The following UBA7 variants were observed in gnomAD, a reference collection of about 807,000 sequenced individuals.
UBA7 encodes the protein ubiquitin like modifier activating enzyme 7.
Under a neutral mutation model 113.0 loss-of-function variants are expected in UBA7, and 88 were observed. The observed-to-expected ratio is 0.78, with a 90% CI of 0.66 to 0.93. The LOEUF (loss-of-function observed/expected upper bound fraction) is 0.93. Ranked by LOEUF, UBA7 falls within the 40% of genes least tolerant of loss-of-function variation. The pLI is 0.00. For missense variants in UBA7, 1,092 were observed against 1,266.4 expected, an observed-to-expected ratio of 0.86 and a Z score of 2.09; for synonymous variants, 459 against 513.0, an observed-to-expected ratio of 0.89 and a Z score of 1.42.
chr3:49,811,190 G>A, intron 9 of UBA7, 83 bp downstream of exon 9: 3 of 1,600,008 alleles, frequency 1.9e-6, no homozygotes, highest in Non-Finnish European at 2.6e-6. Flanking sequence ...CTCCAGGGCT[G>A]CTCTCTAGCG....
In UBA7 at chr3:49,813,178, C is replaced by T. The variant is rs1054702923; in HGVS notation, c.361-10G>A. ...CAGTCAGCACCACCACCTGGGTGGA[C>T]ACAGTGATCAGCAGGGCCAAAACCA... On this transcript the variant is annotated splice_polypyrimidine_tract_variant and intron_variant, in intron 3 of 23. Coordinates refer to ENST00000333486, the MANE Select transcript of UBA7 (RefSeq NM_003335.3). 6.2e-7 allele frequency: 1 copy of T among 1,613,858 alleles called. No individual in the cohort carries two copies. Among genetic ancestry groups the T allele is most frequent in the Non-Finnish European group, 8.5e-7 (1 of 1,179,818 alleles).
intron 21 of UBA7, among the ~76,000 whole-genome samples, chr3:49,806,792 G>A (rs2081460431): frequency 6.6e-6 from 1 of 151,986 alleles, no homozygotes; most frequent in South Asian, 2.1e-4. Flanking sequence ...AAAACACACT[G>A]GGGTCAAGCT....
At position 49,807,412 on chromosome 3, in the gene UBA7, C is replaced by T. The variant is rs2081471463; in HGVS notation, c.2715+324G>A. Among the ~76,000 whole-genome samples, 1 of 152,162 alleles carries T rather than the reference C, an allele frequency of 6.6e-6. No homozygotes were observed. The highest frequency in any genetic ancestry group is 6.5e-5 in the Admixed American group (1 of 15,282). On this transcript the variant is annotated intron_variant, in intron 21 of 23. Coordinates refer to ENST00000333486, the MANE Select transcript of UBA7 (RefSeq NM_003335.3). The surrounding 1 kb of genome is among the most constrained non-coding windows in gnomAD (Gnocchi z 4.0). ...CTCTTTCTGGGGCTGATGCCCTGGT[C>T]CCCTCCCCACTACCTACCCCTCAGG...
Position 49,805,255 on chromosome 3 carries a change from C to A in UBA7, c.*53G>T. On this transcript the variant is annotated 3_prime_UTR_variant, in exon 24 of 24. Coordinates refer to ENST00000333486, the MANE Select transcript of UBA7 (RefSeq NM_003335.3). ...GAGTGCCTACTGTGGGCTTACAATG[C>A]AGGGCTTGGGATCCGGGGCTCCATT... 1.3e-6 allele frequency: 2 copies of A among 1,565,564 alleles called. No individual in the cohort carries two copies. The highest frequency in any genetic ancestry group is 4.5e-5 in the East Asian group (2 of 44,278).
chr3:49,813,643 C>A lies in UBA7; in HGVS notation c.61G>T (p.Val21Leu), dbSNP rs1361711207. 5 of 1,614,142 alleles carry A rather than the reference C, an allele frequency of 3.1e-6. No individual in the cohort carries two copies. The highest frequency in any genetic ancestry group is 3.4e-6 in the Non-Finnish European group (4 of 1,180,050). Residue 21 changes from valine (V) to leucine (L), a missense_variant, in exon 2 of 24, where the codon GTG becomes TTG. Physicochemically the swap from Val to Leu is conservative, Grantham distance 32 (BLOSUM62 1). Transcript: ENST00000333486. ...CTCTGCATGGCAGGTGAGCCCAGCA[C>A]ATACCTGTGGATGGGAAGCAGAAGG... ...DEELYSRQLY[V>L]LGSPAMQRIQ... is the part of the protein sequence containing the mutation.
In UBA7 at chr3:49,807,414, C is replaced by T. The variant is rs1348615006; in HGVS notation, c.2715+322G>A. On this transcript the variant is annotated intron_variant, in intron 21 of 23. Coordinates refer to ENST00000333486, the MANE Select transcript of UBA7 (RefSeq NM_003335.3). This position sits in a 1 kb window ranked among gnomAD's most constrained non-coding sequence, Gnocchi z 4.0. The stretch of plus-strand genomic sequence containing the variant: ...CTTTCTGGGGCTGATGCCCTGGTCC[C>T]CTCCCCACTACCTACCCCTCAGGGG... 6.6e-6 allele frequency among the ~76,000 whole-genome samples: 1 copy of T among 152,186 alleles called. No homozygotes were observed. Among genetic ancestry groups the T allele is most frequent in the Non-Finnish European group, 1.5e-5 (1 of 68,004 alleles).
In UBA7 at chr3:49,805,994, G is replaced by C; in HGVS notation, c.2812C>G (p.Gln938Glu). The C allele has an allele frequency of 1.9e-6, 3 of 1,566,390 alleles. No individual in the cohort carries two copies. Among genetic ancestry groups the C allele is most frequent in the Non-Finnish European group, 2.6e-6 (3 of 1,155,430 alleles). ...LESLLAHLQE[Q>E]HGLRVRILLH... The stretch of plus-strand genomic sequence containing the variant: ...AGGATCCTCACCCTCAACCCGTGCT[G>C]CTCCTAGAGGAGAAAGGTCAGACAC... Residue 938 changes from glutamine to glutamate, a missense_variant, in exon 23 of 24, where the codon CAG becomes GAG. Around this residue, in one of 3 missense-constraint regions of UBA7, gnomAD observed 500 missense variants for 529.3 expected, o/e 0.94. Transcript: ENST00000333486.
rs774738018 is a variant in UBA7 at position 49,809,974 on chromosome 3, C to T, written c.1839+4G>A. On this transcript the variant is annotated splice_donor_region_variant and intron_variant, in intron 14 of 23. Coordinates refer to ENST00000333486, the MANE Select transcript of UBA7 (RefSeq NM_003335.3). ...GGGGTGGGAGTCTCCAGGGTGCTTC[C>T]TACCTGCAGGGTGTGCTCGGCTGTG... 4.3e-6 allele frequency: 7 copies of T among 1,613,828 alleles called. No individual in the cohort carries two copies. Among genetic ancestry groups the T allele is most frequent in the Admixed American group, 3.3e-5 (2 of 60,002 alleles).
rs532421188 is a variant in UBA7 at position 49,809,777 on chromosome 3, A to T, written c.1904+38T>A. 14 of 1,614,036 alleles carry T rather than the reference A, an allele frequency of 8.7e-6. No individual in the cohort carries two copies. The South Asian group carries it at 1.3e-4, about 15-fold the overall frequency. On this transcript the variant is annotated intron_variant, in intron 15 of 23. Coordinates refer to ENST00000333486, the MANE Select transcript of UBA7 (RefSeq NM_003335.3). The stretch of plus-strand genomic sequence containing the variant: ...CTGAGTCCTGCAGACTCATGCTTGG[A>T]GCCCTGGACTCCCATCTGCCTCTGT...
rs1409498422 is a variant in UBA7 at position 49,810,137 on chromosome 3, C to G, written c.1680G>C (p.Leu560=). The G allele has an allele frequency of 7.4e-6, 12 of 1,612,948 alleles. No individual in the cohort carries two copies. In the South Asian group the frequency reaches 1.3e-4, roughly 18 times the overall value. ...CCCAGGTGCCCGATGTGCCTGCCTC[C>G]AGCAGTGGCTTCAGATAGTGGGTGC... The part of the protein sequence containing the change: ...ARCTHYLKPL[L]EAGTSGTWGS... Residue 560 remains leucine (L), a synonymous_variant, in exon 14 of 24, where the codon CTG becomes CTC. Coordinates refer to ENST00000333486, the MANE Select transcript of UBA7 (RefSeq NM_003335.3). This position sits in a 1 kb window ranked among gnomAD's most constrained non-coding sequence, Gnocchi z 5.6.
chr3:49,805,542 G>T, intron 23 of UBA7, 105 bp from the exon 24 acceptor site: 2 of 1,069,788 alleles, frequency 1.9e-6, no homozygotes, highest in Non-Finnish European at 2.8e-6. Flanking sequence ...AGGAGCCCAA[G>T]CCAGGAGCAG....
Position 49,812,680 on chromosome 3 carries a change from G to A in UBA7, c.526C>T (p.Pro176Ser), listed in dbSNP as rs762319206. Residue 176 changes from proline (P) to serine (S), a missense_variant, in exon 5 of 24, where the codon CCC becomes TCC. Pro to Ser is a moderately conservative substitution (Grantham distance 74, BLOSUM62 -1). Transcript: ENST00000333486. ...ATGTGCTGGATGGCAGCTGTCAGGG[G>A]TTCTGCCTCTGTGGGGTCCTGCACA... ...FTVQDPTEAE[P>S]LTAAIQHISQ... 3 of 1,614,196 alleles carry A rather than the reference G, an allele frequency of 1.9e-6. No individual in the cohort carries two copies. The highest frequency in any genetic ancestry group is 2.5e-6 in the Non-Finnish European group (3 of 1,180,028).
rs199939644 is a variant in UBA7, at chr3:49,807,824, C to T, written c.2627G>A (p.Arg876Gln). 23 of 1,614,022 alleles carry T rather than the reference C, an allele frequency of 1.4e-5. No homozygotes were observed. The East Asian group carries it at 2.9e-4, about 20-fold the overall frequency. Residue 876 changes from arginine (R) to glutamine (Q), a missense_variant, in exon 21 of 24, where the codon CGG becomes CAG. Arg to Gln is a conservative substitution (Grantham distance 43). Transcript: ENST00000333486. The surrounding 1 kb of genome is among the most constrained non-coding windows in gnomAD (Gnocchi z 4.0). ...LELYKVVSGP[R>Q]PRSAFRHSYL... ...GCTGTGGCGAAAGGCACTACGAGGC[C>T]GTGGCCCACTCACCACCTTATACAG...
In UBA7 at chr3:49,813,611, C is replaced by T; in HGVS notation, c.93G>A (p.Gln31=). ...VLGSPAMQRI[Q]GARVLVSGLQ... Reference sequence around the variant, plus strand: ...GGCCTGACACCAGGACCCTGGCTCCCTGAATCCTCTGCATGGCAGGTGAGC... The same window carrying T: ...GGCCTGACACCAGGACCCTGGCTCCTTGAATCCTCTGCATGGCAGGTGAGC... Residue 31 remains glutamine, a synonymous_variant, in exon 2 of 24, where the codon CAG becomes CAA. Coordinates refer to ENST00000333486, the MANE Select transcript of UBA7 (RefSeq NM_003335.3). 6.2e-7 allele frequency: 1 copy of T among 1,614,226 alleles called. No homozygotes were observed. Among genetic ancestry groups the T allele is most frequent in the African/African-American group, 1.3e-5 (1 of 75,072 alleles).
chr3:49,808,373 C>T lies in UBA7; in HGVS notation c.2430+13G>A. The T allele has an allele frequency of 1.2e-6, 2 of 1,614,214 alleles. No homozygotes were observed. The highest frequency in any genetic ancestry group is 1.7e-6 in the Non-Finnish European group (2 of 1,180,028). The stretch of plus-strand genomic sequence containing the variant: ...TCCCCAGCCCCACTCCTCACTGCCA[C>T]TTGGGCACCCACCTTCTCAAACATC... On this transcript the variant is annotated intron_variant, in intron 19 of 23. Transcript: ENST00000333486.
chr3:49,810,324 A>G lies in UBA7; in HGVS notation c.1572T>C (p.Tyr524=). 6.2e-7 allele frequency: 1 copy of G among 1,614,166 alleles called. No individual in the cohort carries two copies. ...CCACACGGGAGAAAAAGTTATCCCC[A>G]TAGATGTGCTCTGTGGTGGGATCCA... ...YPLDPTTEHI[Y]GDNFFSRVDG... is the part of the protein sequence containing the mutation. The change falls in exon 13 of 24, where the codon TAT becomes TAC. Residue 524 remains tyrosine (Y), a synonymous_variant. Transcript: ENST00000333486. The surrounding 1 kb of genome is among the most constrained non-coding windows in gnomAD (Gnocchi z 5.6).
Position 49,810,653 on chromosome 3 carries a change from C to G in UBA7, c.1331G>C (p.Gly444Ala). 1.2e-6 allele frequency: 2 copies of G among 1,614,144 alleles called. No homozygotes were observed. Among genetic ancestry groups the G allele is most frequent in the Admixed American group, 3.3e-5 (2 of 60,024 alleles). ...HYLLVGAGAI[G>A]CELLKVFALV... ...GGCAAAGACTTTGAGCAGCTCACAA[C>G]CAATGGCACCAGCGCCCACCTGTTG... Residue 444 changes from glycine (G) to alanine (A), a missense_variant, in exon 12 of 24, where the codon GGT becomes GCT. Transcript: ENST00000333486. This position sits in a 1 kb window ranked among gnomAD's most constrained non-coding sequence, Gnocchi z 5.6.
intron 2 of UBA7, 38 bp from the exon 3 acceptor site, chr3:49,813,421 C>G (rs1236327404): frequency 6.2e-7 from 1 of 1,609,354 alleles, no homozygotes; most frequent in Non-Finnish European, 8.5e-7. Context: ...CAAAGACACT[C>G]CTCTTGGGCC....
chr3:49,810,701 G>A lies in UBA7; in HGVS notation c.1312-29C>T, dbSNP rs745924300. 6.2e-7 allele frequency: 1 copy of A among 1,614,046 alleles called. No individual in the cohort carries two copies. The highest frequency in any genetic ancestry group is 2.2e-5 in the East Asian group (1 of 44,882). ...TTGGCAGGAACAGCCTTAGCCAGAG[G>A]GGCTGGGCTGGCTCTCCCAAAGGCA... On this transcript the variant is annotated intron_variant, in intron 11 of 23. Transcript: ENST00000333486. This position sits in a 1 kb window ranked among gnomAD's most constrained non-coding sequence, Gnocchi z 5.6.
Sources: allele counts gnomAD v4.1 joint callset (sites outside exome capture counted in the v4.1 genomes callset), GRCh38; gene constraint gnomAD v4.1.1; regional missense constraint gnomAD v4.1.1; non-coding constraint Gnocchi (gnomAD v3.1); transcripts MANE v1.5; gene names NCBI Gene and HGNC (gene_info 2026-07-23, HGNC 2026-07-21).